The following SIL1 variants were observed in gnomAD, a reference collection of about 807,000 sequenced individuals.
SIL1 encodes SIL1 nucleotide exchange factor, also known as nucleotide exchange factor SIL1.
SIL1 carries 40 observed loss-of-function variants against 49.1 expected under a neutral mutation model. The observed-to-expected ratio is 0.81, with a 90% CI of 0.63 to 1.06. The LOEUF (loss-of-function observed/expected upper bound fraction) is 1.06. Among genes scored for constraint, SIL1 ranks in the 50% least tolerant of loss-of-function variants. The pLI, the probability that SIL1 is intolerant of heterozygous loss-of-function variation, is 0.00. For synonymous variants in SIL1, 253 were observed against 250.8 expected (o/e 1.01, Z -0.08); for missense variants, 500 against 572.6 (o/e 0.87, Z 1.29).
At chr5:139,195,372 T>G (rs978283659) in intron 1 of SIL1, among the ~76,000 whole-genome samples, 1 of 152,274 alleles carries the variant, frequency 6.6e-6, no homozygotes, top group African/African-American at 2.4e-5. Flanking sequence ...GTAAATATTA[T>G]TCCCAGTTTT....
chr5:139,145,662 G>A (rs1361298424), intron 1 of SIL1, among the ~76,000 whole-genome samples: 1 of 135,542 alleles, frequency 7.4e-6, no homozygotes, highest in Non-Finnish European at 1.5e-5. Context: ...GTGTGTGTGT[G>A]TGTGTGTGTG....
At chr5:138,963,034 C>T (rs111451770) in intron 7 of SIL1, among the ~76,000 whole-genome samples, 4,661 of 152,234 alleles carry the variant, frequency 0.031, 96 homozygotes, top group Middle Eastern at 0.054. Flanking sequence ...CTAAAACATA[C>T]GGGAGATTTT....
chr5:139,155,288 C>G (rs1186285920), intron 1 of SIL1: 6 of 152,210 alleles, frequency 3.9e-5, no homozygotes, highest in African/African-American at 1.4e-4. Context: ...ATACCACAGA[C>G]TGATGGCTTC....
chr5:139,075,972 C>T (rs1194399780), intron 3 of SIL1, among the ~76,000 whole-genome samples: 2 of 152,210 alleles, frequency 1.3e-5, no homozygotes, highest in African/African-American at 4.8e-5. Flanking sequence ...GCAGGCCCAT[C>T]CATGCTCTTG....
At position 139,055,723 on chromosome 5, in the gene SIL1, C is replaced by T. The variant is rs988130686; in HGVS notation, c.245-4677G>A. ...CCACGGTCTCCCTCTGATGCCTAGC[C>T]GAAGCTGGACTGTACTGCTGCCATC... On this transcript the variant is annotated intron_variant, in intron 3 of 9. Transcript: ENST00000394817. Among the ~76,000 whole-genome samples, 4 of 149,590 alleles carry T rather than the reference C, an allele frequency of 2.7e-5. No individual in the cohort carries two copies. The East Asian group carries it at 6.1e-4, about 23-fold the overall frequency.
At chr5:139,121,673 A>C (rs563047668) in intron 2 of SIL1, among the ~76,000 whole-genome samples, 273 of 152,340 alleles carry the variant, frequency 1.8e-3, no homozygotes, top group Admixed American at 4.7e-3. Context: ...GGCCCAACTG[A>C]TTCCCAAGCA....
At chr5:139,180,049 C>T (rs1320728186) in intron 1 of SIL1, among the ~76,000 whole-genome samples, 1 of 137,096 alleles carries the variant, frequency 7.3e-6, no homozygotes. Flanking sequence ...GAGCAAGACC[C>T]TGTCTCTTTA....
chr5:139,083,531 G>T (rs1770141066), intron 3 of SIL1, among the ~76,000 whole-genome samples: 1 of 103,386 alleles, frequency 9.7e-6, no homozygotes, highest in African/African-American at 4.0e-5. Context: ...GGGGTTGTTT[G>T]TTTTTTTCTT....
intron 3 of SIL1, among the ~76,000 whole-genome samples, chr5:139,120,465 C>A (rs1051348295): frequency 6.6e-6 from 1 of 152,056 alleles, no homozygotes; most frequent in East Asian, 1.9e-4. Flanking sequence ...TAGTACAGTA[C>A]CTGAATATGG....
In SIL1 at chr5:139,160,972, G is replaced by A. The variant is rs377691083; in HGVS notation, c.-10-33119C>T. On this transcript the variant is annotated intron_variant, in intron 1 of 9. Transcript: ENST00000394817. ...GTAACAAGAATAACAGGCTGGGCGCGGTGGCTCATGCCTGTAATCCCAGCA... is the reference window on the plus strand; with the variant it reads ...GTAACAAGAATAACAGGCTGGGCGCAGTGGCTCATGCCTGTAATCCCAGCA... Among the ~76,000 whole-genome samples, 11 of 152,014 alleles carry A rather than the reference G, an allele frequency of 7.2e-5. No individual in the cohort carries two copies. The South Asian group carries it at 1.5e-3, about 20-fold the overall frequency.
intron 9 of SIL1, among the ~76,000 whole-genome samples, chr5:138,950,730 G>T (rs1463195623): frequency 6.6e-6 from 1 of 152,202 alleles, no homozygotes; most frequent in East Asian, 1.9e-4. Context: ...ACTCTCAAGG[G>T]CAGCCACTCT....
intron 3 of SIL1, among the ~76,000 whole-genome samples, chr5:139,056,699 C>T (rs1294405893): frequency 7.0e-6 from 1 of 142,708 alleles, no homozygotes; most frequent in Non-Finnish European, 1.5e-5. Flanking sequence ...GAGGTGGGGG[C>T]GTCAGCCCCC....
chr5:139,169,772 C>T (rs1357834434), intron 1 of SIL1, among the ~76,000 whole-genome samples: 1 of 151,732 alleles, frequency 6.6e-6, no homozygotes, highest in African/African-American at 2.4e-5. Flanking sequence ...TGAGCCACCA[C>T]GCCCGGCCCA....
chr5:139,091,760 T>A (rs1770347468), intron 3 of SIL1, among the ~76,000 whole-genome samples: 2 of 152,222 alleles, frequency 1.3e-5, no homozygotes, highest in African/African-American at 2.4e-5. Flanking sequence ...GCCAACACCC[T>A]GGTTTCAGGC....
intron 3 of SIL1, among the ~76,000 whole-genome samples, chr5:139,052,803 T>A (rs894171919): frequency 1.3e-5 from 2 of 151,346 alleles, no homozygotes; most frequent in Non-Finnish European, 2.9e-5. Flanking sequence ...AATACCAGAG[T>A]AAGGAAGCCC....
intron 1 of SIL1, among the ~76,000 whole-genome samples, chr5:139,164,099 A>G (rs2151811923): frequency 6.7e-6 from 1 of 148,410 alleles, no homozygotes; most frequent in African/African-American, 2.5e-5. Context: ...AGCCTGGGCA[A>G]CAACAAGAGA....
At chr5:138,971,419 G>A (rs973810628) in intron 7 of SIL1, among the ~76,000 whole-genome samples, 9 of 152,148 alleles carry the variant, frequency 5.9e-5, no homozygotes, top group Admixed American at 2.0e-4. Flanking sequence ...CTGAGACCAT[G>A]CACAGGACTT....
At chr5:139,189,909 G>C (rs1240554599) in intron 1 of SIL1, among the ~76,000 whole-genome samples, 4 of 152,124 alleles carry the variant, frequency 2.6e-5, no homozygotes, top group African/African-American at 9.7e-5. Flanking sequence ...CCAGTCCATG[G>C]AAAAATAGTC....
At chr5:139,105,462 A>G (rs989826518) in intron 3 of SIL1, among the ~76,000 whole-genome samples, 2 of 152,196 alleles carry the variant, frequency 1.3e-5, no homozygotes, top group African/African-American at 2.4e-5. Flanking sequence ...GCAGAAATCT[A>G]TCAAAAAAAA....
Sources: gnomAD v4.1 joint callset for allele counts (sites outside exome capture counted in the v4.1 genomes callset) on GRCh38, gnomAD v4.1.1 for gene constraint, MANE v1.5 for transcripts, NCBI Gene and HGNC (gene_info 2026-07-23, HGNC 2026-07-21) for gene names.